Variants in PGLYRP2 observed in about 807,000 individuals in gnomAD.
PGLYRP2 encodes the protein N-acetylmuramoyl-L-alanine amidase.
Under a neutral mutation model 46.2 loss-of-function variants are expected in PGLYRP2, and 38 were observed. The observed-to-expected ratio is 0.82, with a 90% CI of 0.64 to 1.08. PGLYRP2 has a LOEUF of 1.08. PGLYRP2 is among the 50% of genes least tolerant of loss of function. The probability of loss-of-function intolerance (pLI) is 0.00; values close to 1 mark genes in which losing one functional copy is unlikely to be tolerated. For synonymous variants in PGLYRP2, 289 were observed against 329.4 expected, an observed-to-expected ratio of 0.88 and a Z score of 1.33; for missense variants, 713 against 755.9, an observed-to-expected ratio of 0.94 and a Z score of 0.67.
At chr19:15,472,172 G>A (rs1970756866) in intron 2 of PGLYRP2, 72 bp from the exon 3 acceptor site, 1 of 1,283,914 alleles carries the variant, frequency 7.8e-7, no homozygotes, top group Non-Finnish European at 1.1e-6. Flanking sequence ...GCATTAAAGC[G>A]CACATACAGA....
intron 3 of PGLYRP2, among the ~76,000 whole-genome samples, chr19:15,470,241 T>C (rs867414299): frequency 6.4e-4 from 64 of 100,022 alleles, no homozygotes; most frequent in African/African-American, 1.6e-3. Context: ...GTTTTTTTTC[T>C]TTCCTTCCTT....
At position 15,475,787 on chromosome 19, in the gene PGLYRP2, A is replaced by G. The variant is rs1599766779; in HGVS notation, c.883T>C (p.Ser295Pro). 1.2e-6 allele frequency: 2 copies of G among 1,614,058 alleles called. No homozygotes were observed. Among genetic ancestry groups the G allele is most frequent in the Non-Finnish European group, 8.5e-7 (1 of 1,179,976 alleles). The change falls in exon 2 of 5, where the codon TCC (serine) becomes CCC (proline). Residue 295 changes from serine (S) to proline (P), a missense_variant. By Grantham distance (74) the Ser-to-Pro change is moderately conservative. Coordinates refer to ENST00000340880, the MANE Select transcript of PGLYRP2 (RefSeq NM_052890.4). Reference sequence around the variant, plus strand: ...TACTGGCTCAGCAAGTGGCTGAGGGATGGCCGGGGCTCAGGAGTCCGGCTC... The same window carrying G: ...TACTGGCTCAGCAAGTGGCTGAGGGGTGGCCGGGGCTCAGGAGTCCGGCTC... The part of the protein sequence containing the change: ...YLSRTPEPRP[S>P]LSHLLSQYYG...
At chr19:15,470,729 C>T (rs1759638442) in intron 3 of PGLYRP2, among the ~76,000 whole-genome samples, 1 of 152,060 alleles carries the variant, frequency 6.6e-6, no homozygotes, top group South Asian at 2.1e-4. Context: ...ACTGCAACCT[C>T]CGCTTCCCAG....
chr19:15,469,360 T>G lies in PGLYRP2; in HGVS notation c.1641+272A>C. The G allele has an allele frequency of 1.5e-6, 1 of 677,666 alleles. No homozygotes were observed. The highest frequency in any genetic ancestry group is 2.7e-6 in the Non-Finnish European group (1 of 371,028). 42.0% of individuals were successfully genotyped at this position (677,666 alleles called of 1,614,324 possible). ...AGGGTCCATGCCTTGGCTGGAAAGG[T>G]AGAGGTATTAGGAGCTGGGGAAAGG... is the stretch of plus-strand genomic sequence containing the variant. On this transcript the variant is annotated intron_variant, in intron 4 of 4. Coordinates refer to ENST00000340880, the MANE Select transcript of PGLYRP2 (RefSeq NM_052890.4). The surrounding 1 kb of genome is among the most constrained non-coding windows in gnomAD (Gnocchi z 4.9).
In PGLYRP2 at chr19:15,473,878, C is replaced by T. The variant is rs1219077347; in HGVS notation, c.1132+1660G>A. On this transcript the variant is annotated intron_variant, in intron 2 of 4. Coordinates refer to ENST00000340880, the MANE Select transcript of PGLYRP2 (RefSeq NM_052890.4). ...AAAGAAAAAGAAAGAAAGAAAGAAA[C>T]CCACTAAAAAGCGGGCAAAAGACAT... Among the ~76,000 whole-genome samples the T allele has an allele frequency of 2.0e-5, 3 of 150,844 alleles. No individual in the cohort carries two copies. In the East Asian group the frequency reaches 5.8e-4, roughly 29 times the overall value.
chr19:15,471,807 C>G (rs1050764451), intron 3 of PGLYRP2, 83 bp downstream of exon 3: 10 of 1,457,298 alleles, frequency 6.9e-6, no homozygotes, highest in African/African-American at 5.7e-5. Flanking sequence ...GGTTCAAGCC[C>G]GGTCCCCTGC....
rs747957921 is a variant in PGLYRP2 at position 15,476,394 on chromosome 19, G to T, written c.276C>A (p.Gly92=). 13 of 1,613,958 alleles carry T rather than the reference G, an allele frequency of 8.1e-6. No homozygotes were observed. The highest frequency in any genetic ancestry group is 1.1e-5 in the Non-Finnish European group (13 of 1,180,010). ...CATGTCGGGCCACCTCCTTGGTCAG[G>T]CCTAACAGCTCTGGGCTTAGTGGGC... is the stretch of plus-strand genomic sequence containing the variant. ...DPCPLSPELL[G]LTKEVARHDV... Residue 92 remains glycine (G), a synonymous_variant, in exon 2 of 5, where the codon GGC becomes GGA. Transcript: ENST00000340880.
intron 1 of PGLYRP2, 42 bp downstream of exon 1, chr19:15,479,269 G>A: frequency 6.2e-7 from 1 of 1,607,146 alleles, no homozygotes. Flanking sequence ...GCCTTCTGCA[G>A]AGCCAAGAGG....
rs565092667 is a variant in PGLYRP2 at position 15,469,569 on chromosome 19, C to T, written c.1641+63G>A. ...AGCTGTTACAGGCAGGGGGCAGGGG[C>T]CTCGTGGAGCTTGTGTAGACGGAGG... On this transcript the variant is annotated intron_variant, in intron 4 of 4. Transcript: ENST00000340880. The surrounding 1 kb of genome is among the most constrained non-coding windows in gnomAD (Gnocchi z 4.9). 1.6e-4 allele frequency: 251 copies of T among 1,542,510 alleles called. No homozygotes were observed. The African/African-American group carries it at 2.9e-3, about 18-fold the overall frequency.
rs909416991 is a variant in PGLYRP2, at chr19:15,469,761, C to T, written c.1512G>A (p.Pro504=). The change falls in exon 4 of 5, where the codon CCG becomes CCA. Residue 504 remains proline, a synonymous_variant. Coordinates refer to ENST00000340880, the MANE Select transcript of PGLYRP2 (RefSeq NM_052890.4). This position sits in a 1 kb window ranked among gnomAD's most constrained non-coding sequence, Gnocchi z 4.9. ...AALRTVRDTL[P]SCAVRAGLLR... is the part of the protein sequence containing the mutation. The stretch of plus-strand genomic sequence containing the variant: ...GGAGGCCGGCGCGCACCGCACAACT[C>T]GGGAGCGTGTCGCGCACCGTGCGCA... 2.0e-6 allele frequency: 3 copies of T among 1,507,052 alleles called. No homozygotes were observed. Among genetic ancestry groups the T allele is most frequent in the Non-Finnish European group, 2.6e-6 (3 of 1,135,944 alleles). The allele number at this position is 1,507,052 out of a possible 1,614,324, so 93.4% of individuals were successfully genotyped here.
Position 15,469,564 on chromosome 19 carries a change from AG to A in PGLYRP2, c.1641+67del. The stretch of plus-strand genomic sequence containing the variant: ...GGCACAGCTGTTACAGGCAGGGGGC[AG>A]GGGCCTCGTGGAGCTTGTGTAGACG... On this transcript the variant is annotated intron_variant, in intron 4 of 4. Transcript: ENST00000340880. This position sits in a 1 kb window ranked among gnomAD's most constrained non-coding sequence, Gnocchi z 4.9. 1 of 1,537,892 alleles carries A rather than the reference AG, an allele frequency of 6.5e-7. No individual in the cohort carries two copies.
rs369002362 is a variant in PGLYRP2, at chr19:15,476,476, C to T, written c.194G>A (p.Arg65His). The T allele has an allele frequency of 1.4e-4, 234 of 1,614,122 alleles. 1 individual carries two copies. Among genetic ancestry groups the T allele is most frequent in the Admixed American group, 6.8e-4 (41 of 59,988 alleles). The part of the protein sequence containing the change: ...MSAPNSGPHN[R>H]LYHFLLGAWS... The stretch of plus-strand genomic sequence containing the variant: ...TGCCCCCAGCAGGAAGTGGTAGAGG[C>T]GATTGTGGGGGCCAGAGTTTGGAGC... Residue 65 changes from arginine to histidine, a missense_variant, in exon 2 of 5, where the codon CGC becomes CAC. By Grantham distance (29) the Arg-to-His change is conservative. Transcript: ENST00000340880.
intron 2 of PGLYRP2, among the ~76,000 whole-genome samples, chr19:15,474,980 CAA>C (rs34586297): frequency 7.9e-4 from 99 of 124,992 alleles, no homozygotes; most frequent in Non-Finnish European, 7.2e-4. Context: ...GAGAGAGACT[CAA>C]AAAAAAAAAA....
In PGLYRP2 at chr19:15,476,134, T is replaced by A; in HGVS notation, c.536A>T (p.Asp179Val). ...GGCTCCAATATCTGCAGTGGTGACA[T>A]CTGGAGAGCCATCCCTGAGTCCTGG... ...SSPGLRDGSP[D>V]VTTADIGANT... is the part of the protein sequence containing the mutation. The change falls in exon 2 of 5, where the codon GAT becomes GTT. Residue 179 changes from aspartate (D) to valine (V), a missense_variant. Coordinates refer to ENST00000340880, the MANE Select transcript of PGLYRP2 (RefSeq NM_052890.4). The A allele has an allele frequency of 6.2e-7, 1 of 1,614,122 alleles. No homozygotes were observed. Among genetic ancestry groups the A allele is most frequent in the Non-Finnish European group, 8.5e-7 (1 of 1,180,014 alleles).
At chr19:15,479,209 G>T in intron 1 of PGLYRP2, 102 bp downstream of exon 1, 1 of 1,226,224 alleles carries the variant, frequency 8.2e-7, no homozygotes, top group Non-Finnish European at 1.2e-6. Flanking sequence ...GAGAGCTTGA[G>T]TCTCCAGCCT....
chr19:15,472,663 G>A (rs987368833), intron 2 of PGLYRP2, among the ~76,000 whole-genome samples: 1 of 152,180 alleles, frequency 6.6e-6, no homozygotes, highest in Non-Finnish European at 1.5e-5. Flanking sequence ...CACTTTGGGA[G>A]GCGAGGTGGG....
At chr19:15,473,397 G>A (rs1970766807) in intron 2 of PGLYRP2, among the ~76,000 whole-genome samples, 1 of 134,554 alleles carries the variant, frequency 7.4e-6, no homozygotes, top group African/African-American at 2.8e-5. Flanking sequence ...TTGAACCCAG[G>A]AGGCAGAGGT....
chr19:15,469,612 T>C lies in PGLYRP2; in HGVS notation c.1641+20A>G. The stretch of plus-strand genomic sequence containing the variant: ...GACGGAGGGGCGGCGGGCCGTGTAG[T>C]GCAGGCTGCGAAGACTCACCGCGGT... On this transcript the variant is annotated intron_variant, in intron 4 of 4. Coordinates refer to ENST00000340880, the MANE Select transcript of PGLYRP2 (RefSeq NM_052890.4). The surrounding 1 kb of genome is among the most constrained non-coding windows in gnomAD (Gnocchi z 4.9). 2 of 1,572,506 alleles carry C rather than the reference T, an allele frequency of 1.3e-6. No homozygotes were observed. The highest frequency in any genetic ancestry group is 1.7e-6 in the Non-Finnish European group (2 of 1,166,898).
Position 15,472,083 on chromosome 19 carries a change from G to T in PGLYRP2, c.1150C>A (p.Pro384Thr), listed in dbSNP as rs773421900. 1 of 1,603,428 alleles carries T rather than the reference G, an allele frequency of 6.2e-7. No homozygotes were observed. The highest frequency in any genetic ancestry group is 1.1e-5 in the South Asian group (1 of 90,968). ...EAFLGCPAIH[P>T]RCRWGAAPYR... ...GGCGCCGCTCCCCAGCGGCAGCGGG[G>T]GTGGATGGCCGGGCATCCTACAGGC... is the stretch of plus-strand genomic sequence containing the variant. Residue 384 changes from proline to threonine, a missense_variant, in exon 3 of 5, where the codon CCC (proline) becomes ACC (threonine). Physicochemically the swap from Pro to Thr is conservative, Grantham distance 38. Transcript: ENST00000340880.
Sources: gnomAD v4.1 joint callset for allele counts (sites outside exome capture counted in the v4.1 genomes callset) on GRCh38, gnomAD v4.1.1 for gene constraint, Gnocchi (gnomAD v3.1) non-coding constraint, MANE v1.5 for transcripts, NCBI Gene and HGNC (gene_info 2026-07-23, HGNC 2026-07-21) for gene names.